ITSN1: variants seen among roughly 807,000 people sequenced by gnomAD.
The protein encoded by ITSN1 is intersectin-1.
Under a neutral mutation model 239.8 loss-of-function variants are expected in ITSN1, and 58 were observed. That is an observed-to-expected ratio of 0.24 (90% CI 0.20 to 0.30). The LOEUF (loss-of-function observed/expected upper bound fraction) is 0.30. Among genes scored for constraint, ITSN1 ranks in the 10% least tolerant of loss-of-function variants. ITSN1 has a pLI of 1.00. For synonymous variants in ITSN1, 780 were observed against 770.8 expected (o/e 1.01, Z -0.20); for missense variants, 1,558 against 2,103.3 (o/e 0.74, Z 5.07).
At chr21:33,742,345 G>A (rs754088520) in intron 5 of ITSN1, among the ~76,000 whole-genome samples, 8 of 152,062 alleles carry the variant, frequency 5.3e-5, no homozygotes, top group African/African-American at 1.4e-4. Flanking sequence ...GTGAGCCACC[G>A]CGCCTGGCCC....
At chr21:33,698,965 T>G (rs1052470224) in intron 1 of ITSN1, among the ~76,000 whole-genome samples, 13 of 152,206 alleles carry the variant, frequency 8.5e-5, no homozygotes, top group African/African-American at 2.9e-4. Flanking sequence ...TGCAAAGCCT[T>G]TAAAAGGATA....
intron 5 of ITSN1, among the ~76,000 whole-genome samples, chr21:33,737,557 A>G (rs562570919): frequency 2.0e-5 from 3 of 152,192 alleles, no homozygotes; most frequent in Admixed American, 6.5e-5. Flanking sequence ...ATTTATTACT[A>G]TTGTCATTGT....
chr21:33,842,495 G>GGTGTGT lies in ITSN1; in HGVS notation c.3661+5893_3661+5898dup, dbSNP rs34019939. Among the ~76,000 whole-genome samples, 773 of 148,166 alleles carry GGTGTGT rather than the reference G, an allele frequency of 5.2e-3. 4 individuals are homozygous for GGTGTGT. Among genetic ancestry groups the GGTGTGT allele is most frequent in the African/African-American group, 0.016 (632 of 40,374 alleles). ...CATGCTGTTGTTTTATGATGTCAAC[G>GGTGTGT]GTGTGTGTGTGTGTGTGTGTGTGTG... On this transcript the variant is annotated intron_variant, in intron 29 of 39. Transcript: ENST00000381318.
intron 4 of ITSN1, among the ~76,000 whole-genome samples, chr21:33,730,850 C>T (rs985572056): frequency 3.9e-5 from 6 of 152,066 alleles, no homozygotes; most frequent in South Asian, 2.1e-4. Flanking sequence ...CAGGCGCCCG[C>T]GTGCCCAGCC....
At chr21:33,766,698 C>T (rs2068742833) in intron 10 of ITSN1, among the ~76,000 whole-genome samples, 1 of 152,176 alleles carries the variant, frequency 6.6e-6, no homozygotes, top group Admixed American at 6.5e-5. Context: ...AGAAATAGAG[C>T]CATTACTGTC....
At chr21:33,801,187 A>G (rs1433572440) in intron 19 of ITSN1, among the ~76,000 whole-genome samples, 1 of 152,168 alleles carries the variant, frequency 6.6e-6, no homozygotes, top group Non-Finnish European at 1.5e-5. Context: ...TTTGTAAAGA[A>G]CTGTGAAAGT....
intron 1 of ITSN1, among the ~76,000 whole-genome samples, chr21:33,703,785 G>A (rs1420353602): frequency 6.6e-6 from 1 of 152,168 alleles, no homozygotes; most frequent in Non-Finnish European, 1.5e-5. Context: ...GGGGGAAAGT[G>A]TAAGCAATCA....
rs919225469 is a variant in ITSN1 at position 33,847,829 on chromosome 21, A to G, written c.3662-8907A>G. On this transcript the variant is annotated intron_variant, in intron 29 of 39. Coordinates refer to ENST00000381318, the MANE Select transcript of ITSN1 (RefSeq NM_003024.3). ...CCAAATCCCACCCGCTTTTCGCGCC[A>G]GGTGTCTTGATTTCCAGGCCATCTT... 3.9e-5 allele frequency among the ~76,000 whole-genome samples: 6 copies of G among 152,252 alleles called. 1 individual carries two copies. In the South Asian group the frequency reaches 1.0e-3, roughly 26 times the overall value.
At chr21:33,795,679 G>A (rs1695894113) in intron 17 of ITSN1, among the ~76,000 whole-genome samples, 2 of 151,946 alleles carry the variant, frequency 1.3e-5, no homozygotes, top group African/African-American at 4.8e-5. Flanking sequence ...CTTGGATGTT[G>A]ATTAACTCCA....
intron 1 of ITSN1, among the ~76,000 whole-genome samples, chr21:33,702,218 C>G (rs1007062757): frequency 0.011 from 1 of 88 alleles, no homozygotes; most frequent in African/African-American, 0.033. Flanking sequence ...CAGGTTCAAG[C>G]GATTCCCCTG....
At chr21:33,845,392 T>A (rs73201704) in intron 29 of ITSN1, among the ~76,000 whole-genome samples, 25,486 of 152,004 alleles carry the variant, frequency 0.17, 2,323 homozygotes, top group African/African-American at 0.19. Flanking sequence ...ACCTGGTCTC[T>A]CTGCACCCAC....
chr21:33,836,436 T>G lies in ITSN1; in HGVS notation c.3470-5T>G, dbSNP rs1161141649. The stretch of plus-strand genomic sequence containing the variant: ...CAGCCGCTCACCCAGCCCTGTCTCC[T>G]GCAGTGTGCCAGGTGATTGGGATGT... On this transcript the variant is annotated splice_region_variant and splice_polypyrimidine_tract_variant and intron_variant, in intron 28 of 39. Coordinates refer to ENST00000381318, the MANE Select transcript of ITSN1 (RefSeq NM_003024.3). 6.3e-7 allele frequency: 1 copy of G among 1,599,288 alleles called. No homozygotes were observed.
At chr21:33,799,754 T>A in intron 18 of ITSN1, 54 bp from the exon 19 acceptor site, 3 of 1,595,646 alleles carry the variant, frequency 1.9e-6, no homozygotes, top group Non-Finnish European at 2.6e-6. Flanking sequence ...TGTCATACAT[T>A]TGTGTTCTCT....
At chr21:33,682,858 A>G (rs1425546684) in intron 1 of ITSN1, among the ~76,000 whole-genome samples, 1 of 151,476 alleles carries the variant, frequency 6.6e-6, no homozygotes, top group Admixed American at 6.6e-5. Context: ...ATTTATTGTC[A>G]CACTAGGATC....
chr21:33,865,128 T>C lies in ITSN1; in HGVS notation c.3891-23T>C. On this transcript the variant is annotated intron_variant, in intron 31 of 39. Coordinates refer to ENST00000381318, the MANE Select transcript of ITSN1 (RefSeq NM_003024.3). The surrounding 1 kb of genome is among the most constrained non-coding windows in gnomAD (Gnocchi z 4.4). The stretch of plus-strand genomic sequence containing the variant: ...GTCAGATAGCGTGAAAGCAGGGGGC[T>C]CACCTCCCGTGTTTCCGTGCAGAGC... 6.3e-7 allele frequency: 1 copy of C among 1,599,492 alleles called. No individual in the cohort carries two copies. Among genetic ancestry groups the C allele is most frequent in the South Asian group, 1.1e-5 (1 of 88,392 alleles).
intron 1 of ITSN1, among the ~76,000 whole-genome samples, chr21:33,682,415 A>T (rs929236806): frequency 5.9e-5 from 9 of 151,434 alleles, no homozygotes; most frequent in Admixed American, 2.6e-4. Flanking sequence ...GGGTTTCTCC[A>T]TGTTGGTCAG....
chr21:33,888,240 C>T lies in ITSN1; in HGVS notation c.5106C>T (p.His1702=), dbSNP rs2834286. Residue 1702 remains histidine, a synonymous_variant, in exon 40 of 40, where the codon CAC becomes CAT. Coordinates refer to ENST00000381318, the MANE Select transcript of ITSN1 (RefSeq NM_003024.3). ...KGPVTKCLLL[H]EVPTGEIVVR... is the part of the protein sequence containing the mutation. The stretch of plus-strand genomic sequence containing the variant: ...CAGTTACGAAGTGTCTTCTGCTGCA[C>T]GAAGTCCCCACGGGAGAGATTGTGG... The T allele has an allele frequency of 0.026, 41,988 of 1,614,028 alleles. 867 individuals carry two copies. The highest frequency in any genetic ancestry group is 0.1 in the Admixed American group (5,972 of 60,002).
chr21:33,876,164 T>TCC (rs1983814244), intron 34 of ITSN1, among the ~76,000 whole-genome samples: 28 of 145,430 alleles, frequency 1.9e-4, no homozygotes, highest in South Asian at 9.1e-4. Flanking sequence ...TCTCTCTCCC[T>TCC]CTTTCTTTCT....
chr21:33,871,380 T>C (rs547836662), intron 33 of ITSN1, among the ~76,000 whole-genome samples: 88 of 145,016 alleles, frequency 6.1e-4, no homozygotes, highest in Middle Eastern at 4.2e-3. Context: ...GAAAGAGCTA[T>C]GATTGAGTCA....
Sources: allele counts gnomAD v4.1 joint callset (sites outside exome capture counted in the v4.1 genomes callset), GRCh38; gene constraint gnomAD v4.1.1; non-coding constraint Gnocchi (gnomAD v3.1); transcripts MANE v1.5; gene names NCBI Gene and HGNC (gene_info 2026-07-23, HGNC 2026-07-21).